The following EDIL3 variants were observed in gnomAD, a reference collection of about 807,000 sequenced individuals.
EDIL3 encodes the protein EGF like and discoidin domains 3, also known as EGF-like repeat and discoidin I-like domain-containing protein 3.
Under a neutral mutation model 67.4 loss-of-function variants are expected in EDIL3, and 37 were observed. That is an observed-to-expected ratio of 0.55 (90% CI 0.42 to 0.72). EDIL3 has a LOEUF of 0.72. EDIL3 is among the 30% of genes least tolerant of loss of function. The pLI, the probability that EDIL3 is intolerant of heterozygous loss-of-function variation, is 0.00. For synonymous variants in EDIL3, 195 were observed against 196.3 expected, an observed-to-expected ratio of 0.99 and a Z score of 0.05; for missense variants, 527 against 586.3, an observed-to-expected ratio of 0.90 and a Z score of 1.04.
chr5:84,081,146 G>C (rs1267040662), intron 6 of EDIL3, among the ~76,000 whole-genome samples: 2 of 152,196 alleles, frequency 1.3e-5, no homozygotes, highest in African/African-American at 4.8e-5. Flanking sequence ...GCATTTCCAG[G>C]AGTCGGGGCC....
chr5:84,117,155 G>C (rs1747685128), intron 5 of EDIL3, among the ~76,000 whole-genome samples: 1 of 149,556 alleles, frequency 6.7e-6, no homozygotes, highest in Non-Finnish European at 1.5e-5. Context: ...AGCCTCCTGA[G>C]TAGCTGGGAC....
intron 9 of EDIL3, among the ~76,000 whole-genome samples, chr5:84,025,850 C>A (rs1486093626): frequency 1.3e-5 from 2 of 152,158 alleles, no homozygotes; most frequent in East Asian, 3.8e-4. Context: ...CAAGAGTGGG[C>A]CTTTGCCACA....
rs773035274 is a variant in EDIL3, at chr5:84,262,659, G to GTTTTTTTTTTTTTTTTTTTTTTTTTTTT, written c.68-8475_68-8448dup. 1.5e-3 allele frequency among the ~76,000 whole-genome samples: 68 copies of GTTTTTTTTTTTTTTTTTTTTTTTTTTTT among 46,316 alleles called. 21 individuals are homozygous for GTTTTTTTTTTTTTTTTTTTTTTTTTTTT. Among genetic ancestry groups the GTTTTTTTTTTTTTTTTTTTTTTTTTTTT allele is most frequent in the Non-Finnish European group, 1.6e-3 (45 of 27,906 alleles). 30.4% of individuals were successfully genotyped at this position (46,316 alleles called of 152,430 possible). On this transcript the variant is annotated intron_variant, in intron 1 of 10. Transcript: ENST00000296591. ...AAACTACAATTCCCAAGGTTGGTTG[G>GTTTTTTTTTTTTTTTTTTTTTTTTTTTT]TTTTTTTTTTTTTTTTTTTTTTTTT...
chr5:84,085,653 G>A (rs1747056452), intron 6 of EDIL3, among the ~76,000 whole-genome samples: 1 of 152,184 alleles, frequency 6.6e-6, no homozygotes, highest in Non-Finnish European at 1.5e-5. Flanking sequence ...AAGGCACGGG[G>A]GTCAGGACCC....
At chr5:84,374,558 G>T (rs1747925581) in intron 1 of EDIL3, among the ~76,000 whole-genome samples, 1 of 152,148 alleles carries the variant, frequency 6.6e-6, no homozygotes, top group Non-Finnish European at 1.5e-5. Context: ...ACAATTTACA[G>T]CTATACCAAG....
intron 9 of EDIL3, among the ~76,000 whole-genome samples, chr5:83,983,063 T>A (rs571815458): frequency 6.6e-6 from 1 of 152,146 alleles, no homozygotes; most frequent in Non-Finnish European, 1.5e-5. Flanking sequence ...ACTTATTTGC[T>A]CGAGTGAAAA....
intron 1 of EDIL3, among the ~76,000 whole-genome samples, chr5:84,352,238 G>A (rs371284512): frequency 2.0e-5 from 3 of 152,094 alleles, no homozygotes; most frequent in Non-Finnish European, 2.9e-5. Context: ...ATTTCTTAAA[G>A]AGCCAAAGAT....
At chr5:84,302,229 G>C (rs778196759) in intron 1 of EDIL3, among the ~76,000 whole-genome samples, 1 of 151,656 alleles carries the variant, frequency 6.6e-6, no homozygotes, top group African/African-American at 2.4e-5. Context: ...TTTTTCTGCA[G>C]CTTACATTAG....
intron 9 of EDIL3, among the ~76,000 whole-genome samples, chr5:84,041,305 CT>C (rs949159547): frequency 6.6e-6 from 1 of 151,816 alleles, no homozygotes; most frequent in African/African-American, 2.4e-5. Flanking sequence ...ACATCAGAAT[CT>C]CTGGGGATAA....
chr5:83,948,546 C>CTAAAATT (rs1264358266), intron 10 of EDIL3, among the ~76,000 whole-genome samples: 2 of 151,418 alleles, frequency 1.3e-5, no homozygotes, highest in African/African-American at 4.8e-5. Context: ...TTAGGATAAT[C>CTAAAATT]TAAAATTTAT....
At chr5:84,346,237 G>A (rs1051080475) in intron 1 of EDIL3, among the ~76,000 whole-genome samples, 7 of 146,300 alleles carry the variant, frequency 4.8e-5, no homozygotes, top group South Asian at 2.2e-4. Context: ...TCCGCCTCCC[G>A]GGTTCAAGCG....
intron 6 of EDIL3, among the ~76,000 whole-genome samples, chr5:84,073,201 A>C (rs1389193128): frequency 3.9e-5 from 6 of 152,162 alleles, no homozygotes; most frequent in African/African-American, 1.4e-4. Flanking sequence ...GTATCTCAAA[A>C]TAATAAGGGC....
chr5:84,330,826 T>C (rs1424001134), intron 1 of EDIL3, among the ~76,000 whole-genome samples: 1 of 152,114 alleles, frequency 6.6e-6, no homozygotes, highest in Non-Finnish European at 1.5e-5. Flanking sequence ...TCCTAGAATA[T>C]TGTGAGGCAC....
intron 1 of EDIL3, among the ~76,000 whole-genome samples, chr5:84,364,385 T>G (rs1580103468): frequency 6.6e-6 from 1 of 152,296 alleles, no homozygotes; most frequent in East Asian, 1.9e-4. Context: ...TTCATATTGC[T>G]TTGGAAATTG....
intron 1 of EDIL3, among the ~76,000 whole-genome samples, chr5:84,341,741 G>A (rs895809834): frequency 2.0e-5 from 3 of 151,962 alleles, no homozygotes; most frequent in Non-Finnish European, 4.4e-5. Context: ...TTAACTCATA[G>A]TGGAGGAGTT....
intron 3 of EDIL3, among the ~76,000 whole-genome samples, chr5:84,209,182 A>G (rs1580378192): frequency 6.6e-6 from 1 of 151,846 alleles, no homozygotes; most frequent in Non-Finnish European, 1.5e-5. Flanking sequence ...CAATGAGAAC[A>G]CATGGACACA....
intron 9 of EDIL3, among the ~76,000 whole-genome samples, chr5:83,978,339 G>A (rs1744909058): frequency 6.6e-6 from 1 of 151,818 alleles, no homozygotes; most frequent in African/African-American, 2.4e-5. Flanking sequence ...TAACACCTTT[G>A]AATAACTCAA....
At chr5:83,984,540 T>C (rs1177686184) in intron 9 of EDIL3, among the ~76,000 whole-genome samples, 3 of 151,974 alleles carry the variant, frequency 2.0e-5, no homozygotes, top group Non-Finnish European at 4.4e-5. Context: ...CTACATACGG[T>C]GACAAAGAGA....
chr5:84,256,170 T>G (rs568773858), intron 1 of EDIL3, among the ~76,000 whole-genome samples: 1 of 129,054 alleles, frequency 7.7e-6, no homozygotes, highest in South Asian at 2.4e-4. Context: ...TATCCATTTA[T>G]CCATCCACAC....
Sources: allele counts gnomAD v4.1 joint callset (sites outside exome capture counted in the v4.1 genomes callset), GRCh38; gene constraint gnomAD v4.1.1; transcripts MANE v1.5; gene names NCBI Gene and HGNC (gene_info 2026-07-23, HGNC 2026-07-21).